The following RPTOR variants were observed in gnomAD, a reference collection of about 807,000 sequenced individuals.
The protein encoded by RPTOR is regulatory associated protein of MTOR complex 1, also known as regulatory-associated protein of mTOR.
In RPTOR, 21 loss-of-function variants were observed where a neutral mutation model predicts 169.9. The observed-to-expected ratio is 0.12, with a 90% CI of 0.09 to 0.18. The LOEUF (loss-of-function observed/expected upper bound fraction) is 0.18, where lower values mean the gene tolerates loss of function less well. Among genes scored for constraint, RPTOR ranks in the 10% least tolerant of loss-of-function variants. The probability of loss-of-function intolerance (pLI) is 1.00; values close to 1 mark genes in which losing one functional copy is unlikely to be tolerated. For missense variants in RPTOR, 1,133 were observed against 1,855.9 expected (o/e 0.61, Z 7.16); for synonymous variants, 732 against 753.2 (o/e 0.97, Z 0.46).
At chr17:80,826,015 CG>C (rs2067438890) in intron 9 of RPTOR, among the ~76,000 whole-genome samples, 1 of 152,104 alleles carries the variant, frequency 6.6e-6, no homozygotes, top group South Asian at 2.1e-4. Context: ...GGCTCACCTC[CG>C]CCGGCCCTGG....
At chr17:80,691,919 T>C (rs2065995398) in intron 3 of RPTOR, among the ~76,000 whole-genome samples, 1 of 152,050 alleles carries the variant, frequency 6.6e-6, no homozygotes. Context: ...CCACATGGAG[T>C]GCTCAGATTG....
At chr17:80,838,821 C>T (rs1052403031) in intron 10 of RPTOR, among the ~76,000 whole-genome samples, 1 of 152,164 alleles carries the variant, frequency 6.6e-6, no homozygotes, top group Non-Finnish European at 1.5e-5. Context: ...GCTTTGCCAC[C>T]GAGGGCAAGT....
At chr17:80,743,357 G>T in intron 5 of RPTOR, 1 of 985,468 alleles carries the variant, frequency 1.0e-6, no homozygotes, top group Middle Eastern at 5.2e-4. Flanking sequence ...AAGCCACAAG[G>T]ACCGAGGGAG....
Position 80,695,873 on chromosome 17 carries a change from C to T in RPTOR, c.349-11968C>T, listed in dbSNP as rs1323312569. Among the ~76,000 whole-genome samples, 2 of 152,248 alleles carry T rather than the reference C, an allele frequency of 1.3e-5. No homozygotes were observed. The highest frequency in any genetic ancestry group is 2.4e-5 in the African/African-American group (1 of 41,472). On this transcript the variant is annotated intron_variant, in intron 3 of 33. Transcript: ENST00000306801. The surrounding 1 kb of genome is among the most constrained non-coding windows in gnomAD (Gnocchi z 4.9). ...AGGGCCGCAGACCACTTTTGCCCTG[C>T]ATGGCCTCGTGGCTGCCTTTTCTAC...
chr17:80,844,929 A>G lies in RPTOR; in HGVS notation c.1213-1544A>G, dbSNP rs2067710496. On this transcript the variant is annotated intron_variant, in intron 10 of 33. Transcript: ENST00000306801. This position sits in a 1 kb window ranked among gnomAD's most constrained non-coding sequence, Gnocchi z 4.7. ...ACCTTCCCCCCGAGCAAAATCAAACAACGTAGGGAAGAGAGGATAGTGGAT... is the reference window on the plus strand; with the variant it reads ...ACCTTCCCCCCGAGCAAAATCAAACGACGTAGGGAAGAGAGGATAGTGGAT... Among the ~76,000 whole-genome samples the G allele has an allele frequency of 6.6e-6, 1 of 150,992 alleles. No individual in the cohort carries two copies. Among genetic ancestry groups the G allele is most frequent in the Admixed American group, 6.6e-5 (1 of 15,202 alleles).
At position 80,858,010 on chromosome 17, in the gene RPTOR, A is replaced by G; in HGVS notation, c.1509+110A>G. 4 of 835,896 alleles carry G rather than the reference A, an allele frequency of 4.8e-6. No homozygotes were observed. In the East Asian group the frequency reaches 7.8e-5, roughly 16 times the overall value. The allele number at this position is 835,896 out of a possible 1,614,324, so 51.8% of individuals were successfully genotyped here. A position where few individuals can be genotyped will look rare whatever the true frequency, so the allele number is the denominator to read the frequency against. Reference sequence around the variant, plus strand: ...CTTTCTCCAGCCTCGCTCCCTCTCCAGGCACCGCCGTTCCCTTCCTCTCTT... The same window carrying G: ...CTTTCTCCAGCCTCGCTCCCTCTCCGGGCACCGCCGTTCCCTTCCTCTCTT... On this transcript the variant is annotated intron_variant, in intron 13 of 33. Coordinates refer to ENST00000306801, the MANE Select transcript of RPTOR (RefSeq NM_020761.3).
chr17:80,846,352 C>A, intron 10 of RPTOR, 121 bp from the exon 11 acceptor site: 1 of 925,342 alleles, frequency 1.1e-6, no homozygotes, highest in Non-Finnish European at 1.7e-6. Context: ...CTGGCATCCT[C>A]GCGGCCCTGC....
chr17:80,804,209 C>A (rs2067193908), intron 7 of RPTOR: 1 of 152,390 alleles, frequency 6.6e-6, no homozygotes, highest in South Asian at 2.1e-4. Flanking sequence ...TGGCACAAGC[C>A]TGACTAGTGG....
intron 6 of RPTOR, among the ~76,000 whole-genome samples, chr17:80,777,659 T>G (rs535679560): frequency 3.3e-5 from 5 of 152,350 alleles, no homozygotes; most frequent in South Asian, 4.1e-4. Context: ...GTGTCATGTT[T>G]AAGAAGCCGT....
chr17:80,668,843 A>G (rs933676251), intron 3 of RPTOR, among the ~76,000 whole-genome samples: 4 of 152,262 alleles, frequency 2.6e-5, no homozygotes, highest in African/African-American at 9.6e-5. Context: ...GAGCATGAGA[A>G]TGTTGTTCCC....
chr17:80,838,857 G>A (rs1216523249), intron 10 of RPTOR, among the ~76,000 whole-genome samples: 1 of 152,194 alleles, frequency 6.6e-6, no homozygotes, highest in Non-Finnish European at 1.5e-5. Context: ...TTTAAGGGAG[G>A]GATTATGGTG....
chr17:80,831,038 G>A (rs940068430), intron 9 of RPTOR, among the ~76,000 whole-genome samples: 10 of 152,112 alleles, frequency 6.6e-5, no homozygotes, highest in Admixed American at 2.0e-4. Context: ...GTGCCACCGC[G>A]CCCAATAGGG....
At chr17:80,650,529 C>T (rs2065632173) in intron 3 of RPTOR, among the ~76,000 whole-genome samples, 1 of 152,228 alleles carries the variant, frequency 6.6e-6, no homozygotes, top group Admixed American at 6.5e-5. Flanking sequence ...GAGAGCTTAA[C>T]TGTGGAAAGA....
At position 80,798,474 on chromosome 17, in the gene RPTOR, C is replaced by CT. The variant is rs140654932; in HGVS notation, c.890+6967dup. Among the ~76,000 whole-genome samples the CT allele has an allele frequency of 1.4e-4, 21 of 152,238 alleles. No homozygotes were observed. The East Asian group carries it at 4.1e-3, about 30-fold the overall frequency. Reference sequence around the variant, plus strand: ...ATCAAAAGTTAGTTGCCTGCTCCTGCTTGGGACACCAGTCCCTCAGGGGGT... The same window carrying CT: ...ATCAAAAGTTAGTTGCCTGCTCCTGCTTTGGGACACCAGTCCCTCAGGGGGT... On this transcript the variant is annotated intron_variant, in intron 7 of 33. Transcript: ENST00000306801.
At chr17:80,863,053 C>T (rs1420138062) in intron 13 of RPTOR, among the ~76,000 whole-genome samples, 1 of 152,196 alleles carries the variant, frequency 6.6e-6, no homozygotes, top group Non-Finnish European at 1.5e-5. Context: ...CCCATTGTGC[C>T]AGAAGCTCTG....
intron 2 of RPTOR, among the ~76,000 whole-genome samples, chr17:80,639,609 T>C (rs2065536417): frequency 6.6e-6 from 1 of 151,958 alleles, no homozygotes. Context: ...AGGGGAGGGG[T>C]CAGCCTGCGC....
At chr17:80,634,964 G>C (rs2065494673) in intron 2 of RPTOR, among the ~76,000 whole-genome samples, 1 of 152,148 alleles carries the variant, frequency 6.6e-6, no homozygotes, top group Non-Finnish European at 1.5e-5. Flanking sequence ...GCTTCTCTCT[G>C]TACACATTTG....
chr17:80,685,199 G>GCACCTCATTCGGAGTGGCC, intron 3 of RPTOR, among the ~76,000 whole-genome samples: 1 of 151,262 alleles, frequency 6.6e-6, no homozygotes, highest in African/African-American at 2.4e-5. Flanking sequence ...ATTCAGGGTC[G>GCACCTCATTCGGAGTGGCC]CTTGTTGCGT....
intron 3 of RPTOR, among the ~76,000 whole-genome samples, chr17:80,704,515 G>A (rs2066127928): frequency 2.0e-5 from 3 of 152,194 alleles, no homozygotes; most frequent in South Asian, 2.1e-4. Context: ...TGTCACAGAC[G>A]CCTTGGGTAC....
Sources: gnomAD v4.1 joint callset for allele counts (sites outside exome capture counted in the v4.1 genomes callset) on GRCh38, gnomAD v4.1.1 for gene constraint, Gnocchi (gnomAD v3.1) non-coding constraint, MANE v1.5 for transcripts, NCBI Gene and HGNC (gene_info 2026-07-23, HGNC 2026-07-21) for gene names.